Variants in TMEM65 observed in about 807,000 individuals in gnomAD.
The protein encoded by TMEM65 is transmembrane protein 65.
A neutral mutation model predicts 25.4 loss-of-function variants in TMEM65; 22 were observed. The observed-to-expected ratio is 0.86, with a 90% CI of 0.62 to 1.23. The LOEUF is 1.23. Among genes scored for constraint, TMEM65 ranks in the 50% most tolerant of loss-of-function variants. The pLI is 0.00. For missense variants in TMEM65, 262 were observed against 308.2 expected, an observed-to-expected ratio of 0.85 and a Z score of 1.12; for synonymous variants, 132 against 126.2, an observed-to-expected ratio of 1.05 and a Z score of -0.31.
In TMEM65 at chr8:124,330,741, C is replaced by T. The variant is rs750293717; in HGVS notation, c.349+7G>A. The T allele has an allele frequency of 6.3e-7, 1 of 1,590,640 alleles. No individual in the cohort carries two copies. The highest frequency in any genetic ancestry group is 1.1e-5 in the South Asian group (1 of 87,912). Reference sequence around the variant, plus strand: ...GAACATATATTTAACAATTATAGAACCATTACCATATCTCAGCTGTCCTGG... The same window carrying T: ...GAACATATATTTAACAATTATAGAATCATTACCATATCTCAGCTGTCCTGG... On this transcript the variant is annotated splice_region_variant and intron_variant, in intron 2 of 6. Coordinates refer to ENST00000297632, the MANE Select transcript of TMEM65 (RefSeq NM_194291.3).
rs984823116 is a variant in TMEM65 at position 124,309,362 on chromosome 8, A to C, written c.*4598T>G. ...GATTTGCTGATGGGAATATCTACAG[A>C]CTTTTTTGAATTCTAGGGTTGCTTC... is the stretch of plus-strand genomic sequence containing the variant. On this transcript the variant is annotated 3_prime_UTR_variant, in exon 7 of 7. Coordinates refer to ENST00000297632, the MANE Select transcript of TMEM65 (RefSeq NM_194291.3). 1.8e-4 allele frequency: 28 copies of C among 152,158 alleles called. No homozygotes were observed. Among genetic ancestry groups the C allele is most frequent in the African/African-American group, 6.3e-4 (26 of 41,438 alleles). 9.4% of individuals were successfully genotyped at this position (152,158 alleles called of 1,614,324 possible).
chr8:124,346,946 C>T (rs1439848629), intron 1 of TMEM65, among the ~76,000 whole-genome samples: 1 of 152,026 alleles, frequency 6.6e-6, no homozygotes, highest in Non-Finnish European at 1.5e-5. Context: ...AATAAATATA[C>T]AACATATTAA....
chr8:124,325,491 C>G (rs1814357063), intron 3 of TMEM65, among the ~76,000 whole-genome samples: 1 of 151,946 alleles, frequency 6.6e-6, no homozygotes, highest in Non-Finnish European at 1.5e-5. Flanking sequence ...AACTTGAAGT[C>G]AGTGGCTTAA....
At chr8:124,337,555 T>C (rs1157473111) in intron 1 of TMEM65, among the ~76,000 whole-genome samples, 1 of 152,046 alleles carries the variant, frequency 6.6e-6, no homozygotes, top group Non-Finnish European at 1.5e-5. Flanking sequence ...ATAGAAAAAT[T>C]ATCTACAAGA....
rs1042136102 is a variant in TMEM65, at chr8:124,310,965, G to A, written c.*2995C>T. The A allele has an allele frequency of 1.3e-5, 2 of 152,108 alleles. No individual in the cohort carries two copies. The highest frequency in any genetic ancestry group is 2.9e-5 in the Non-Finnish European group (2 of 68,026). The allele number at this position is 152,108 out of a possible 1,614,324, so 9.4% of individuals were successfully genotyped here. On this transcript the variant is annotated 3_prime_UTR_variant, in exon 7 of 7. Coordinates refer to ENST00000297632, the MANE Select transcript of TMEM65 (RefSeq NM_194291.3). ...TATTATATTTAATATACTGTCTTAA[G>A]ATGGCGAGAAAATATAATTCTAAAA...
At chr8:124,339,615 A>G (rs1284109475) in intron 1 of TMEM65, among the ~76,000 whole-genome samples, 1 of 151,972 alleles carries the variant, frequency 6.6e-6, no homozygotes, top group South Asian at 2.1e-4. Context: ...GCCAGAGCCA[A>G]TTGTGCACAT....
chr8:124,311,340 C>T lies in TMEM65; in HGVS notation c.*2620G>A, dbSNP rs1171722241. On this transcript the variant is annotated 3_prime_UTR_variant, in exon 7 of 7. Transcript: ENST00000297632. ...TTTAGTAACAGAATATACCAAGGCC[C>T]TCTGAGATTAGTAAGAAATCAAATT... is the stretch of plus-strand genomic sequence containing the variant. The T allele has an allele frequency of 1.3e-5, 2 of 152,552 alleles. No individual in the cohort carries two copies. Among genetic ancestry groups the T allele is most frequent in the Non-Finnish European group, 2.9e-5 (2 of 68,018 alleles). 9.4% of individuals were successfully genotyped at this position (152,552 alleles called of 1,614,324 possible). A position where few individuals can be genotyped will look rare whatever the true frequency, so the allele number is the denominator to read the frequency against.
At chr8:124,363,429 T>C (rs1378778247) in intron 1 of TMEM65, among the ~76,000 whole-genome samples, 1 of 152,186 alleles carries the variant, frequency 6.6e-6, no homozygotes, top group Admixed American at 6.5e-5. Flanking sequence ...TTCTTGTCAA[T>C]TGTGTCTTTA....
intron 1 of TMEM65, among the ~76,000 whole-genome samples, chr8:124,348,325 TCA>T (rs2131217697): frequency 6.6e-6 from 1 of 152,306 alleles, no homozygotes; most frequent in South Asian, 2.1e-4. Context: ...ACCTGTAGTT[TCA>T]CACATATAAC....
At chr8:124,352,746 G>C (rs1193230441) in intron 1 of TMEM65, among the ~76,000 whole-genome samples, 1 of 152,090 alleles carries the variant, frequency 6.6e-6, no homozygotes, top group Admixed American at 6.6e-5. Context: ...GGAGGCAGGG[G>C]AAGCCACAGA....
intron 2 of TMEM65, among the ~76,000 whole-genome samples, chr8:124,328,299 G>C (rs1814392205): frequency 6.6e-6 from 1 of 151,864 alleles, no homozygotes; most frequent in South Asian, 2.1e-4. Flanking sequence ...AGCTACTTGG[G>C]AGGCTGAGGC....
chr8:124,317,254 C>T (rs754808976), intron 6 of TMEM65, among the ~76,000 whole-genome samples: 5 of 152,026 alleles, frequency 3.3e-5, no homozygotes, highest in Non-Finnish European at 7.4e-5. Flanking sequence ...CTTCACCTCC[C>T]GTTAGTGTTT....
intron 2 of TMEM65, among the ~76,000 whole-genome samples, chr8:124,329,550 AC>A (rs1391937365): frequency 6.6e-6 from 1 of 151,986 alleles, no homozygotes; most frequent in East Asian, 1.9e-4. Flanking sequence ...GGTCAGTAAA[AC>A]CAAGGCACTC....
At chr8:124,330,536 TTAGA>T (rs1047451062) in intron 2 of TMEM65, among the ~76,000 whole-genome samples, 1 of 151,978 alleles carries the variant, frequency 6.6e-6, no homozygotes, top group African/African-American at 2.4e-5. Context: ...TTTAATAATA[TTAGA>T]TATTTTTAAC....
At chr8:124,368,994 G>A (rs1814977048) in intron 1 of TMEM65, among the ~76,000 whole-genome samples, 1 of 152,096 alleles carries the variant, frequency 6.6e-6, no homozygotes, top group Admixed American at 6.5e-5. Context: ...ATTATAAATG[G>A]AAATATTAAT....
chr8:124,340,022 C>T (rs1200708946), intron 1 of TMEM65, among the ~76,000 whole-genome samples: 1 of 152,024 alleles, frequency 6.6e-6, no homozygotes, highest in African/African-American at 2.4e-5. Flanking sequence ...AACTGGCAAG[C>T]AGAGGCATTT....
intron 2 of TMEM65, among the ~76,000 whole-genome samples, chr8:124,328,568 G>A (rs866145470): frequency 2.0e-5 from 3 of 152,098 alleles, no homozygotes; most frequent in South Asian, 4.1e-4. Flanking sequence ...TGGAAAGGAA[G>A]AGAATTCCAG....
intron 1 of TMEM65, among the ~76,000 whole-genome samples, chr8:124,332,051 T>C (rs559403474): frequency 3.3e-5 from 5 of 152,218 alleles, no homozygotes; most frequent in African/African-American, 9.6e-5. Flanking sequence ...TTTTCCTTTT[T>C]TAGAAGAATT....
At chr8:124,349,162 G>C (rs1009004461) in intron 1 of TMEM65, among the ~76,000 whole-genome samples, 2 of 152,078 alleles carry the variant, frequency 1.3e-5, no homozygotes, top group African/African-American at 4.8e-5. Context: ...ATTCTCAATA[G>C]AAAAATATGG....
Sources: gnomAD v4.1 joint callset for allele counts (sites outside exome capture counted in the v4.1 genomes callset) on GRCh38, gnomAD v4.1.1 for gene constraint, MANE v1.5 for transcripts, NCBI Gene and HGNC (gene_info 2026-07-23, HGNC 2026-07-21) for gene names.